Variants in MAML3 observed in about 807,000 individuals in gnomAD.
MAML3 encodes the protein mastermind-like protein 3.
A neutral mutation model predicts 101.9 loss-of-function variants in MAML3; 27 were observed. That is an observed-to-expected ratio of 0.27 (90% CI 0.20 to 0.37). The LOEUF is 0.37. Ranked by LOEUF, MAML3 falls within the 10% of genes least tolerant of loss-of-function variation. MAML3 has a pLI of 1.00. For missense variants in MAML3, 1,316 were observed against 1,444.9 expected (o/e 0.91, Z 1.45); for synonymous variants, 501 against 555.9 (o/e 0.90, Z 1.39).
intron 1 of MAML3, among the ~76,000 whole-genome samples, chr4:139,987,331 G>T (rs937815878): frequency 6.6e-6 from 1 of 152,182 alleles, no homozygotes; most frequent in Admixed American, 6.5e-5. Flanking sequence ...CAGAGGCCAT[G>T]GTAAGGCAGA....
At chr4:139,746,819 A>C (rs998630863) in intron 2 of MAML3, among the ~76,000 whole-genome samples, 12 of 152,368 alleles carry the variant, frequency 7.9e-5, no homozygotes, top group Non-Finnish European at 1.3e-4. Flanking sequence ...TTTATGAAAC[A>C]AGTAGAAGAG....
At chr4:139,807,599 A>G (rs918833011) in intron 2 of MAML3, among the ~76,000 whole-genome samples, 3 of 152,186 alleles carry the variant, frequency 2.0e-5, no homozygotes, top group African/African-American at 7.2e-5. Flanking sequence ...AAGGGAGCAT[A>G]CACGTACCCT....
chr4:139,753,164 T>A (rs1180036623), intron 2 of MAML3, among the ~76,000 whole-genome samples: 1 of 152,162 alleles, frequency 6.6e-6, no homozygotes, highest in African/African-American at 2.4e-5. Context: ...GGGTAAAATA[T>A]ACATAACATA....
At chr4:139,987,591 T>A in intron 1 of MAML3, among the ~76,000 whole-genome samples, 1 of 152,186 alleles carries the variant, frequency 6.6e-6, no homozygotes, top group East Asian at 1.9e-4. Flanking sequence ...GGCATCTTTG[T>A]TCTCCCTGCG....
At chr4:139,733,446 C>T (rs1728802721) in intron 2 of MAML3, among the ~76,000 whole-genome samples, 1 of 151,888 alleles carries the variant, frequency 6.6e-6, no homozygotes, top group South Asian at 2.1e-4. Flanking sequence ...TCCCAGCCTC[C>T]TCTCCACTGG....
intron 1 of MAML3, among the ~76,000 whole-genome samples, chr4:140,083,558 T>G (rs1442408674): frequency 6.6e-6 from 1 of 152,206 alleles, no homozygotes. Context: ...ACCTGACACT[T>G]GAGCCTTTCC....
intron 2 of MAML3, among the ~76,000 whole-genome samples, chr4:139,766,171 T>A (rs1729856218): frequency 6.9e-6 from 1 of 144,708 alleles, no homozygotes; most frequent in Admixed American, 6.9e-5. Context: ...TGGTCTTTCT[T>A]TTTGGGGGGT....
chr4:139,817,194 G>A (rs1214655342), intron 2 of MAML3, among the ~76,000 whole-genome samples: 1 of 152,174 alleles, frequency 6.6e-6, no homozygotes, highest in African/African-American at 2.4e-5. Flanking sequence ...ATGCTTCTAT[G>A]TACTTAGAAG....
chr4:139,821,583 A>T (rs1016742093), intron 2 of MAML3, among the ~76,000 whole-genome samples: 8 of 152,188 alleles, frequency 5.3e-5, no homozygotes, highest in Non-Finnish European at 5.9e-5. Flanking sequence ...TAACCTAAGT[A>T]AGCAAGGCCC....
intron 2 of MAML3, among the ~76,000 whole-genome samples, chr4:139,845,448 T>G (rs1397201494): frequency 6.6e-6 from 1 of 152,172 alleles, no homozygotes; most frequent in Non-Finnish European, 1.5e-5. Context: ...ATTAAATAAG[T>G]GCAAGGAAAT....
intron 2 of MAML3, among the ~76,000 whole-genome samples, chr4:139,760,844 A>G (rs1393277805): frequency 6.6e-6 from 1 of 152,254 alleles, no homozygotes; most frequent in Admixed American, 6.5e-5. Flanking sequence ...TCATTTAAGA[A>G]AGAAAAATGA....
intron 2 of MAML3, among the ~76,000 whole-genome samples, chr4:139,877,081 A>G (rs951652295): frequency 2.6e-5 from 4 of 152,214 alleles, no homozygotes; most frequent in African/African-American, 9.6e-5. Context: ...AATGGGAGTT[A>G]TTAGTTTGGA....
intron 1 of MAML3, among the ~76,000 whole-genome samples, chr4:140,056,373 TA>T (rs201996984): frequency 4.9e-4 from 74 of 150,206 alleles, no homozygotes; most frequent in Middle Eastern, 3.4e-3. Context: ...TTTTTTTTTT[TA>T]AAGACAGAGT....
intron 2 of MAML3, among the ~76,000 whole-genome samples, chr4:139,846,209 T>A (rs1023122607): frequency 4.6e-5 from 7 of 152,240 alleles, no homozygotes; most frequent in Non-Finnish European, 1.0e-4. Flanking sequence ...AAGCTAGCAC[T>A]GTACTTTATT....
chr4:139,887,977 G>A (rs1175469735), intron 2 of MAML3, among the ~76,000 whole-genome samples: 1 of 152,188 alleles, frequency 6.6e-6, no homozygotes, highest in Non-Finnish European at 1.5e-5. Flanking sequence ...AGTAGCTACT[G>A]ATTGCAGTCA....
At chr4:139,762,168 C>T (rs970597689) in intron 2 of MAML3, among the ~76,000 whole-genome samples, 2 of 152,200 alleles carry the variant, frequency 1.3e-5, no homozygotes, top group Non-Finnish European at 2.9e-5. Context: ...TGTTTCATTA[C>T]CATGCATGTC....
intron 1 of MAML3, among the ~76,000 whole-genome samples, chr4:139,936,284 A>G (rs1733503854): frequency 6.6e-6 from 1 of 152,156 alleles, no homozygotes; most frequent in Non-Finnish European, 1.5e-5. Context: ...TTTTAAATTC[A>G]TTCATCAGTC....
At chr4:140,083,702 T>C (rs1294217442) in intron 1 of MAML3, among the ~76,000 whole-genome samples, 3 of 152,082 alleles carry the variant, frequency 2.0e-5, no homozygotes, top group Non-Finnish European at 2.9e-5. Flanking sequence ...CCCCTAAGTT[T>C]CCCCTGTATT....
chr4:140,122,791 C>CAAAA (rs35276329), intron 1 of MAML3, among the ~76,000 whole-genome samples: 1 of 82,950 alleles, frequency 1.2e-5, no homozygotes, highest in African/African-American at 4.2e-5. Flanking sequence ...GACTCCGTCT[C>CAAAA]AAAAAAAAAA....
Sources: allele counts gnomAD v4.1 joint callset (sites outside exome capture counted in the v4.1 genomes callset), GRCh38; gene constraint gnomAD v4.1.1; transcripts MANE v1.5; gene names NCBI Gene and HGNC (gene_info 2026-07-23, HGNC 2026-07-21).